Variants in SGCZ observed in about 807,000 individuals in gnomAD.
SGCZ encodes the protein zeta-sarcoglycan.
In SGCZ, 40 loss-of-function variants were observed where a neutral mutation model predicts 41.3. The observed-to-expected ratio is 0.97, with a 90% CI of 0.75 to 1.26. The LOEUF is 1.26. SGCZ is among the 50% of genes most tolerant of loss of function. The pLI is 0.00. For missense variants in SGCZ, 552 were observed against 369.8 expected (o/e 1.49, Z -4.04); for synonymous variants, 206 against 137.5 (o/e 1.50, Z -3.49).
At chr8:14,658,361 C>T (rs1807641901) in intron 1 of SGCZ, among the ~76,000 whole-genome samples, 1 of 152,142 alleles carries the variant, frequency 6.6e-6, no homozygotes, top group African/African-American at 2.4e-5. Context: ...AACTCATGCC[C>T]TTTCATAGTT....
chr8:14,869,415 A>C (rs1443065828), intron 1 of SGCZ, among the ~76,000 whole-genome samples: 1 of 152,160 alleles, frequency 6.6e-6, no homozygotes. Context: ...CTCACAATAA[A>C]CTAGGCATTG....
intron 2 of SGCZ, among the ~76,000 whole-genome samples, chr8:14,541,112 T>A (rs1803453295): frequency 6.6e-6 from 1 of 151,778 alleles, no homozygotes; most frequent in South Asian, 2.1e-4. Context: ...ATTATATATA[T>A]CAGATATAAA....
At chr8:14,141,976 C>G (rs187036281) in intron 5 of SGCZ, among the ~76,000 whole-genome samples, 24 of 152,296 alleles carry the variant, frequency 1.6e-4, no homozygotes, top group Non-Finnish European at 2.9e-4. Flanking sequence ...CCATGGAATA[C>G]TCTGCAGTCA....
At chr8:14,512,658 G>C (rs932082101) in intron 2 of SGCZ, among the ~76,000 whole-genome samples, 1 of 151,566 alleles carries the variant, frequency 6.6e-6, no homozygotes, top group Non-Finnish European at 1.5e-5. Context: ...TGGAGACTTG[G>C]TCCCATTATG....
intron 1 of SGCZ, among the ~76,000 whole-genome samples, chr8:15,049,121 T>C (rs1804422102): frequency 6.6e-6 from 1 of 152,152 alleles, no homozygotes; most frequent in South Asian, 2.1e-4. Context: ...ATCGTGAATA[T>C]AAAGGATATG....
intron 3 of SGCZ, among the ~76,000 whole-genome samples, chr8:14,263,308 G>A (rs138925030): frequency 4.3e-4 from 65 of 152,234 alleles, no homozygotes; most frequent in Non-Finnish European, 6.8e-4. Context: ...CAGCACTTTG[G>A]GAGGCTGATT....
intron 1 of SGCZ, among the ~76,000 whole-genome samples, chr8:15,160,778 G>A (rs1004592935): frequency 1.3e-5 from 2 of 152,122 alleles, no homozygotes; most frequent in African/African-American, 4.8e-5. Context: ...TCAGTTGAGG[G>A]CCACTGCATC....
chr8:15,148,657 G>A (rs187127322), intron 1 of SGCZ, among the ~76,000 whole-genome samples: 2 of 152,300 alleles, frequency 1.3e-5, no homozygotes, highest in Admixed American at 1.3e-4. Context: ...GCTAATAGGT[G>A]TGAAGACAGA....
chr8:15,087,625 G>GA (rs1202987899), intron 1 of SGCZ, among the ~76,000 whole-genome samples: 1 of 151,882 alleles, frequency 6.6e-6, no homozygotes, highest in Non-Finnish European at 1.5e-5. Flanking sequence ...AGAGCTTGTC[G>GA]AAAAAAATGA....
intron 2 of SGCZ, among the ~76,000 whole-genome samples, chr8:14,516,305 C>T (rs1186062796): frequency 6.6e-6 from 1 of 151,878 alleles, no homozygotes; most frequent in Non-Finnish European, 1.5e-5. Flanking sequence ...CTCCCACCCT[C>T]CACCCTCAAG....
Position 14,164,432 on chromosome 8 carries a change from A to G in SGCZ, c.547+148T>C, listed in dbSNP as rs907939050. The G allele has an allele frequency of 3.9e-5, 36 of 921,246 alleles. 1 individual carries two copies. The highest frequency in any genetic ancestry group is 2.4e-4 in the South Asian group (13 of 54,066). The allele number at this position is 921,246 out of a possible 1,614,324, so 57.1% of individuals were successfully genotyped here. On this transcript the variant is annotated intron_variant, in intron 5 of 7. Transcript: ENST00000382080. ...TCTACAACCACAACCAGTGCCTTCC[A>G]TTTGAAGGCTACTTGAAGAACAAAC...
At chr8:14,243,078 G>A (rs1015908833) in intron 3 of SGCZ, among the ~76,000 whole-genome samples, 1 of 152,106 alleles carries the variant, frequency 6.6e-6, no homozygotes, top group Non-Finnish European at 1.5e-5. Flanking sequence ...GATTCCAAAT[G>A]AGGAGGGTAT....
chr8:14,980,160 C>T (rs1241473459), intron 1 of SGCZ, among the ~76,000 whole-genome samples: 1 of 152,118 alleles, frequency 6.6e-6, no homozygotes, highest in Non-Finnish European at 1.5e-5. Flanking sequence ...TACCTGTGGT[C>T]TATGGTGGAT....
intron 1 of SGCZ, among the ~76,000 whole-genome samples, chr8:14,651,282 G>A (rs956302009): frequency 2.0e-5 from 3 of 151,924 alleles, no homozygotes; most frequent in African/African-American, 7.3e-5. Flanking sequence ...AACATTAAGA[G>A]GGCATTTTAT....
chr8:14,505,969 G>T (rs1802293038), intron 2 of SGCZ, among the ~76,000 whole-genome samples: 1 of 152,038 alleles, frequency 6.6e-6, no homozygotes, highest in Non-Finnish European at 1.5e-5. Context: ...CCTATGTGAT[G>T]CTATGTCCTT....
At chr8:14,685,471 G>A (rs1247783687) in intron 1 of SGCZ, among the ~76,000 whole-genome samples, 1 of 151,930 alleles carries the variant, frequency 6.6e-6, no homozygotes. Flanking sequence ...TATGAAATTG[G>A]AGGAGCCCTT....
chr8:14,222,565 T>A (rs1199045777), intron 4 of SGCZ, among the ~76,000 whole-genome samples: 4 of 152,052 alleles, frequency 2.6e-5, no homozygotes, highest in Admixed American at 2.0e-4. Flanking sequence ...TCTGACAGAT[T>A]ATGTATTCTG....
chr8:14,776,001 C>A (rs1254136343), intron 1 of SGCZ, among the ~76,000 whole-genome samples: 1 of 152,018 alleles, frequency 6.6e-6, no homozygotes, highest in African/African-American at 2.4e-5. Context: ...AACACAGAAA[C>A]GTCATCACAT....
intron 1 of SGCZ, among the ~76,000 whole-genome samples, chr8:14,906,086 G>A (rs772477522): frequency 1.3e-5 from 2 of 151,992 alleles, no homozygotes; most frequent in African/African-American, 2.4e-5. Context: ...CACTGAGATC[G>A]ACAAAAGGCT....
Sources: allele counts gnomAD v4.1 joint callset (sites outside exome capture counted in the v4.1 genomes callset), GRCh38; gene constraint gnomAD v4.1.1; transcripts MANE v1.5; gene names NCBI Gene and HGNC (gene_info 2026-07-23, HGNC 2026-07-21).